Variants in ADK observed in about 807,000 individuals in gnomAD.
ADK encodes N6,N6-dimethyladenosine kinase.
ADK carries 24 observed loss-of-function variants against 44.7 expected under a neutral mutation model. The ratio of observed to expected loss-of-function variants is 0.54; its 90% CI spans 0.39 to 0.76. The LOEUF is 0.76. Among genes scored for constraint, ADK ranks in the 30% least tolerant of loss-of-function variants. The probability of loss-of-function intolerance (pLI) is 0.00; values close to 1 mark genes in which losing one functional copy is unlikely to be tolerated. For synonymous variants in ADK, 128 were observed against 142.6 expected (o/e 0.90, Z 0.73); for missense variants, 321 against 425.1 (o/e 0.76, Z 2.15).
intron 6 of ADK, among the ~76,000 whole-genome samples, chr10:74,524,885 A>T (rs1022759275): frequency 3.3e-5 from 5 of 152,046 alleles, no homozygotes; most frequent in African/African-American, 1.2e-4. Flanking sequence ...TATATTCCAA[A>T]CTGTTTGTAA....
chr10:74,416,969 T>C (rs1331082508), intron 6 of ADK, among the ~76,000 whole-genome samples: 1 of 152,080 alleles, frequency 6.6e-6, no homozygotes, highest in Non-Finnish European at 1.5e-5. Context: ...AGTTTACCTT[T>C]TTTAATGTGA....
At chr10:74,574,100 G>T (rs147328316) in intron 7 of ADK, among the ~76,000 whole-genome samples, 1 of 151,708 alleles carries the variant, frequency 6.6e-6, no homozygotes, top group Non-Finnish European at 1.5e-5. Flanking sequence ...TTTCTGCGTC[G>T]CTCACACTGG....
intron 1 of ADK, among the ~76,000 whole-genome samples, chr10:74,189,194 T>C (rs1251928690): frequency 6.6e-6 from 1 of 152,244 alleles, no homozygotes; most frequent in Non-Finnish European, 1.5e-5. Flanking sequence ...CAAATTTCTA[T>C]TTCCATTGTG....
chr10:74,513,957 C>G (rs1848456692), intron 6 of ADK, among the ~76,000 whole-genome samples: 1 of 152,110 alleles, frequency 6.6e-6, no homozygotes, highest in Non-Finnish European at 1.5e-5. Context: ...TTTTTCATTT[C>G]CACATGTAAG....
chr10:74,206,587 A>T (rs1212284348), intron 2 of ADK, among the ~76,000 whole-genome samples: 1 of 152,228 alleles, frequency 6.6e-6, no homozygotes, highest in Non-Finnish European at 1.5e-5. Context: ...TTAGTCAGAT[A>T]TGACAAGAAT....
At chr10:74,458,299 G>GTTTTTTTTTT (rs376118678) in intron 6 of ADK, among the ~76,000 whole-genome samples, 6 of 79,022 alleles carry the variant, frequency 7.6e-5, no homozygotes, top group East Asian at 3.8e-4. Context: ...CCCAGGTTTT[G>GTTTTTTTTTT]TTTTTTTTTT....
chr10:74,355,783 G>T (rs1423130189), intron 4 of ADK, among the ~76,000 whole-genome samples: 1 of 151,936 alleles, frequency 6.6e-6, no homozygotes, highest in Non-Finnish European at 1.5e-5. Context: ...AAAGACTTAG[G>T]TTTCCTCTTT....
intron 3 of ADK, among the ~76,000 whole-genome samples, chr10:74,271,732 G>A (rs1453369649): frequency 6.6e-6 from 1 of 150,752 alleles, no homozygotes; most frequent in Non-Finnish European, 1.5e-5. Context: ...TCCCTATAAA[G>A]GACATGAACT....
At chr10:74,424,596 G>T (rs1592193268) in intron 6 of ADK, among the ~76,000 whole-genome samples, 1 of 148,530 alleles carries the variant, frequency 6.7e-6, no homozygotes, top group East Asian at 2.0e-4. Context: ...ACCCCAGAGG[G>T]TAACCATTAT....
At chr10:74,364,428 A>T (rs1842434998) in intron 4 of ADK, among the ~76,000 whole-genome samples, 1 of 152,202 alleles carries the variant, frequency 6.6e-6, no homozygotes, top group South Asian at 2.1e-4. Flanking sequence ...AGTGGGCACG[A>T]GTCACCCATG....
intron 6 of ADK, among the ~76,000 whole-genome samples, chr10:74,494,402 T>A (rs181159718): frequency 2.6e-5 from 4 of 152,172 alleles, no homozygotes; most frequent in Non-Finnish European, 5.9e-5. Context: ...AATAATATTA[T>A]ACAGATGTAT....
At chr10:74,535,490 G>T (rs532528646) in intron 7 of ADK, among the ~76,000 whole-genome samples, 4 of 151,692 alleles carry the variant, frequency 2.6e-5, no homozygotes, top group African/African-American at 9.7e-5. Flanking sequence ...AAAGTAAAAT[G>T]AGAATTCATA....
chr10:74,350,764 A>G (rs1048278714), intron 4 of ADK, among the ~76,000 whole-genome samples: 1 of 152,226 alleles, frequency 6.6e-6, no homozygotes, highest in Non-Finnish European at 1.5e-5. Context: ...AATACAAACT[A>G]CCAACAGAGA....
At chr10:74,259,088 A>G (rs1191254112) in intron 3 of ADK, among the ~76,000 whole-genome samples, 1 of 150,530 alleles carries the variant, frequency 6.6e-6, no homozygotes, top group East Asian at 2.0e-4. Context: ...AGTAGCTGGG[A>G]TTACAGGCAT....
At chr10:74,480,342 C>G (rs1180503556) in intron 6 of ADK, among the ~76,000 whole-genome samples, 1 of 151,938 alleles carries the variant, frequency 6.6e-6, no homozygotes, top group Admixed American at 6.6e-5. Context: ...AATCATCCAA[C>G]CACAGCCTCC....
In ADK at chr10:74,524,122, A is replaced by G. The variant is rs113905673; in HGVS notation, c.556-1134A>G. 5.1e-3 allele frequency among the ~76,000 whole-genome samples: 774 copies of G among 152,258 alleles called. 11 individuals are homozygous for G. Among genetic ancestry groups the G allele is most frequent in the African/African-American group, 0.017 (724 of 41,556 alleles). On this transcript the variant is annotated intron_variant, in intron 6 of 10. Coordinates refer to ENST00000539909, the MANE Select transcript of ADK (RefSeq NM_006721.4). ...TGCACCATCCAAACTAATTTCCTGT[A>G]TATACATGTATGTCTTTGCTTATGC...
chr10:74,529,968 T>A (rs1849217096), intron 7 of ADK, among the ~76,000 whole-genome samples: 1 of 152,152 alleles, frequency 6.6e-6, no homozygotes, highest in South Asian at 2.1e-4. Flanking sequence ...TAAACAGTGA[T>A]TTAGATAAAG....
At chr10:74,537,742 A>G (rs1174204635) in intron 7 of ADK, among the ~76,000 whole-genome samples, 3 of 152,180 alleles carry the variant, frequency 2.0e-5, no homozygotes, top group Admixed American at 2.0e-4. Flanking sequence ...CAATTATCTC[A>G]TGATAATAAC....
chr10:74,474,184 G>A (rs1440753395), intron 6 of ADK, among the ~76,000 whole-genome samples: 2 of 151,040 alleles, frequency 1.3e-5, no homozygotes, highest in African/African-American at 2.4e-5. Context: ...TGGTGTGATC[G>A]TGACTCACTG....
Sources: allele counts gnomAD v4.1 joint callset (sites outside exome capture counted in the v4.1 genomes callset), GRCh38; gene constraint gnomAD v4.1.1; transcripts MANE v1.5; gene names NCBI Gene and HGNC (gene_info 2026-07-23, HGNC 2026-07-21).